The following PTPRG variants were observed in gnomAD, a reference collection of about 807,000 sequenced individuals.
PTPRG encodes protein tyrosine phosphatase receptor type G, also known as receptor-type tyrosine-protein phosphatase gamma.
Under a neutral mutation model 165.3 loss-of-function variants are expected in PTPRG, and 102 were observed. That is an observed-to-expected ratio of 0.62 (90% confidence interval 0.53 to 0.73). The LOEUF (loss-of-function observed/expected upper bound fraction) is 0.73. Among genes scored for constraint, PTPRG ranks in the 30% least tolerant of loss-of-function variants. The pLI is 0.00. For missense variants in PTPRG, 1,866 were observed against 1,861.4 expected, an observed-to-expected ratio of 1.00 and a Z score of -0.05; for synonymous variants, 675 against 669.5, an observed-to-expected ratio of 1.01 and a Z score of -0.13.
At position 62,254,704 on chromosome 3, in the gene PTPRG, AGC is replaced by A. The variant is rs1177896125; in HGVS notation, c.2468-419_2468-418del. On this transcript the variant is annotated intron_variant, in intron 15 of 29. Transcript: ENST00000474889. This position sits in a 1 kb window ranked among gnomAD's most constrained non-coding sequence, Gnocchi z 4.6. ...ATAGAACTTAATTGCTTAAAGTTCA[AGC>A]TGGACTCCATTGAACAGCAATTAAA... Among the ~76,000 whole-genome samples the A allele has an allele frequency of 1.5e-4, 23 of 152,190 alleles. No individual in the cohort carries two copies. The South Asian group carries it at 4.0e-3, about 26-fold the overall frequency.
intron 13 of PTPRG, among the ~76,000 whole-genome samples, chr3:62,230,425 C>A (rs1700873721): frequency 6.6e-6 from 1 of 152,194 alleles, no homozygotes; most frequent in African/African-American, 2.4e-5. Context: ...CTGAGTTTGT[C>A]ATTGCTATTT....
chr3:62,044,453 C>A (rs1343277301), intron 4 of PTPRG, among the ~76,000 whole-genome samples: 1 of 152,006 alleles, frequency 6.6e-6, no homozygotes, highest in African/African-American at 2.4e-5. Flanking sequence ...GCAGGAGAAT[C>A]ACTTGAACCC....
intron 2 of PTPRG, chr3:61,770,993 G>T (rs1396062988): frequency 1.3e-5 from 2 of 151,882 alleles, no homozygotes; most frequent in East Asian, 3.9e-4. Flanking sequence ...CTTTCTTCTG[G>T]CTCTTGTTTC....
intron 4 of PTPRG, among the ~76,000 whole-genome samples, chr3:62,016,956 T>C (rs926112833): frequency 1.3e-5 from 2 of 152,236 alleles, no homozygotes; most frequent in Admixed American, 6.5e-5. Flanking sequence ...TTTATTTTCT[T>C]CATAGCATTC....
At chr3:61,843,913 A>T (rs1048267068) in intron 2 of PTPRG, among the ~76,000 whole-genome samples, 12 of 150,982 alleles carry the variant, frequency 7.9e-5, no homozygotes, top group African/African-American at 2.9e-4. Context: ...AAATAATATT[A>T]TAGTTTATGT....
At chr3:61,686,609 C>T (rs1174378340) in intron 1 of PTPRG, among the ~76,000 whole-genome samples, 17 of 152,152 alleles carry the variant, frequency 1.1e-4, no homozygotes, top group Non-Finnish European at 2.5e-4. Flanking sequence ...TTCCTTGCAT[C>T]AGTGTTTGGA....
chr3:61,786,535 A>C (rs993104153), intron 2 of PTPRG, among the ~76,000 whole-genome samples: 2 of 152,212 alleles, frequency 1.3e-5, no homozygotes, highest in South Asian at 4.1e-4. Context: ...TAGGAATTCA[A>C]GGGTGGTTGG....
At chr3:61,920,473 G>T (rs193282787) in intron 2 of PTPRG, among the ~76,000 whole-genome samples, 44 of 152,266 alleles carry the variant, frequency 2.9e-4, no homozygotes, top group African/African-American at 1.0e-3. Flanking sequence ...TCGGCTCACT[G>T]CAAACTCCAC....
At chr3:61,778,314 G>T (rs2034444663) in intron 2 of PTPRG, among the ~76,000 whole-genome samples, 1 of 152,232 alleles carries the variant, frequency 6.6e-6, no homozygotes, top group East Asian at 1.9e-4. Flanking sequence ...TTGGCCACTT[G>T]GTGTTCACGC....
intron 14 of PTPRG, among the ~76,000 whole-genome samples, chr3:62,232,516 A>G (rs1169967345): frequency 6.6e-6 from 1 of 152,252 alleles, no homozygotes; most frequent in Non-Finnish European, 1.5e-5. Flanking sequence ...TGTCATACCC[A>G]GTCCATTATA....
chr3:61,959,254 C>T (rs557464770), intron 2 of PTPRG, among the ~76,000 whole-genome samples: 21 of 152,246 alleles, frequency 1.4e-4, no homozygotes, highest in African/African-American at 4.8e-4. Context: ...TTAGCTTAGC[C>T]GAGGCCCTGA....
chr3:62,118,925 C>T (rs899890393), intron 5 of PTPRG, among the ~76,000 whole-genome samples: 1 of 152,208 alleles, frequency 6.6e-6, no homozygotes, highest in Non-Finnish European at 1.5e-5. Flanking sequence ...CTTTTAGCTT[C>T]ATCCTCCTTA....
intron 1 of PTPRG, among the ~76,000 whole-genome samples, chr3:61,633,701 T>C (rs528329302): frequency 6.6e-6 from 1 of 152,320 alleles, no homozygotes; most frequent in South Asian, 2.1e-4. Flanking sequence ...CTAATTGCTC[T>C]GGCTAGAACC....
At chr3:62,285,501 T>C (rs912582084) in intron 28 of PTPRG, among the ~76,000 whole-genome samples, 2 of 93,906 alleles carry the variant, frequency 2.1e-5, no homozygotes, top group African/African-American at 9.3e-5. Context: ...TAACACCTAC[T>C]TTTGGGGGTG....
chr3:61,834,952 C>G (rs907316060), intron 2 of PTPRG, among the ~76,000 whole-genome samples: 4 of 152,164 alleles, frequency 2.6e-5, no homozygotes, highest in African/African-American at 9.7e-5. Context: ...AGATTGCCCA[C>G]CCAAGCTAGT....
intron 2 of PTPRG, among the ~76,000 whole-genome samples, chr3:61,908,116 C>T (rs1245384675): frequency 9.4e-6 from 1 of 106,318 alleles, no homozygotes; most frequent in African/African-American, 3.4e-5. Context: ...AAGACCACCT[C>T]TCTTTAAAAA....
At chr3:62,140,806 C>G (rs1437269466) in intron 6 of PTPRG, among the ~76,000 whole-genome samples, 1 of 146,072 alleles carries the variant, frequency 6.8e-6, no homozygotes, top group African/African-American at 2.6e-5. Flanking sequence ...GAGATTAAGC[C>G]ACTGCACTCC....
intron 7 of PTPRG, among the ~76,000 whole-genome samples, 170 bp from the exon 8 acceptor site, chr3:62,167,801 A>G (rs996713792): frequency 5.3e-5 from 8 of 152,194 alleles, no homozygotes; most frequent in African/African-American, 1.9e-4. Context: ...CAGTGTTTCC[A>G]GCAGGCAGCC....
chr3:61,724,987 G>A (rs186241322), intron 1 of PTPRG, among the ~76,000 whole-genome samples: 80 of 152,190 alleles, frequency 5.3e-4, no homozygotes, highest in Admixed American at 2.6e-3. Context: ...GAATGAAATC[G>A]AATTGATTGA....
Sources: allele counts gnomAD v4.1 joint callset (sites outside exome capture counted in the v4.1 genomes callset), GRCh38; gene constraint gnomAD v4.1.1; non-coding constraint Gnocchi (gnomAD v3.1); transcripts MANE v1.5; gene names NCBI Gene and HGNC (gene_info 2026-07-23, HGNC 2026-07-21).